The following AP5M1 variants were observed in gnomAD, a reference collection of about 807,000 sequenced individuals.
The protein encoded by AP5M1 is adaptor related protein complex 5 subunit mu 1.
A neutral mutation model predicts 52.3 loss-of-function variants in AP5M1; 44 were observed. That is an observed-to-expected ratio of 0.84 (90% CI 0.66 to 1.08). The LOEUF is 1.08. Among genes scored for constraint, AP5M1 ranks in the 50% least tolerant of loss-of-function variants. AP5M1 has a pLI of 0.00. For missense variants in AP5M1, 526 were observed against 568.4 expected (o/e 0.93, Z 0.76); for synonymous variants, 213 against 199.0 (o/e 1.07, Z -0.59).
intron 3 of AP5M1, 77 bp downstream of exon 3, chr14:57,280,499 T>C (rs988344351): frequency 3.1e-6 from 3 of 957,914 alleles, no homozygotes; most frequent in African/African-American, 3.3e-5. Context: ...TAATTCATAC[T>C]CTTGGTATGA....
intron 2 of AP5M1, chr14:57,275,336 C>G (rs1363128160): frequency 2.7e-5 from 5 of 186,036 alleles, no homozygotes; most frequent in Admixed American, 1.3e-4. Context: ...GACTTCTCAA[C>G]TGGCTGCTTA....
chr14:57,280,574 G>C lies in AP5M1; in HGVS notation c.948+152G>C, dbSNP rs1269728482. 4 of 664,402 alleles carry C rather than the reference G, an allele frequency of 6.0e-6. No individual in the cohort carries two copies. In the East Asian group the frequency reaches 1.1e-4, roughly 18 times the overall value. 41.2% of individuals were successfully genotyped at this position (664,402 alleles called of 1,614,324 possible). A position where few individuals can be genotyped will look rare whatever the true frequency, so the allele number is the denominator to read the frequency against. On this transcript the variant is annotated intron_variant, in intron 3 of 7. Transcript: ENST00000261558. ...GATTGAAGATGAAGATTTAGACCAG[G>C]CACGGTGGCTCATGCCTGTAATCCC...
intron 3 of AP5M1, among the ~76,000 whole-genome samples, chr14:57,281,092 G>T (rs1231588423): frequency 1.3e-5 from 2 of 151,998 alleles, no homozygotes; most frequent in African/African-American, 4.8e-5. Flanking sequence ...GCTATTTATT[G>T]TTTATTGAAT....
chr14:57,280,069 G>A (rs182318726), intron 2 of AP5M1, 126 bp from the exon 3 acceptor site: 2 of 736,686 alleles, frequency 2.7e-6, no homozygotes, highest in Non-Finnish European at 4.7e-6. Flanking sequence ...AACACAGAAA[G>A]CAAAGAGAAC....
chr14:57,280,910 A>C (rs901948836), intron 3 of AP5M1, among the ~76,000 whole-genome samples: 1 of 152,096 alleles, frequency 6.6e-6, no homozygotes, highest in African/African-American at 2.4e-5. Context: ...GGTGTCGGTA[A>C]CTATTTGTAA....
Position 57,269,229 on chromosome 14 carries a change from A to C in AP5M1, c.-86A>C. On this transcript the variant is annotated 5_prime_UTR_variant, in exon 1 of 8. Transcript: ENST00000261558. ...CAGGATGAGCCTCAGGGCTTCTGTT[A>C]AGAGTCTGTCTGAGAAAGCCGGTCT... 1 of 1,305,514 alleles carries C rather than the reference A, an allele frequency of 7.7e-7. No homozygotes were observed. Among genetic ancestry groups the C allele is most frequent in the South Asian group, 1.2e-5 (1 of 82,148 alleles). 80.9% of individuals were successfully genotyped at this position (1,305,514 alleles called of 1,614,324 possible).
chr14:57,285,060 AAAAC>A (rs1195101572), intron 6 of AP5M1, among the ~76,000 whole-genome samples: 11 of 152,156 alleles, frequency 7.2e-5, no homozygotes, highest in Admixed American at 2.6e-4. Flanking sequence ...AAGATTAAAA[AAAAC>A]AAATGAGGGA....
Position 57,288,891 on chromosome 14 carries a change from C to T in AP5M1, c.*7C>T, listed in dbSNP as rs770335572. On this transcript the variant is annotated 3_prime_UTR_variant, in exon 8 of 8. Transcript: ENST00000261558. ...TGGATCATTATTATTGTAATAGTCT[C>T]ATGTTTAAATGGGATTATATAATGA... 1 of 1,466,498 alleles carries T rather than the reference C, an allele frequency of 6.8e-7. No homozygotes were observed. The highest frequency in any genetic ancestry group is 9.4e-7 in the Non-Finnish European group (1 of 1,058,980). 90.8% of individuals were successfully genotyped at this position (1,466,498 alleles called of 1,614,324 possible). A position where few individuals can be genotyped will look rare whatever the true frequency, so the allele number is the denominator to read the frequency against.
At position 57,296,059 on chromosome 14, in the gene AP5M1, A is replaced by G. The variant is rs1418586036; in HGVS notation, c.*7175A>G. ...AGTTCAATCTTTATTATATGCATTG[A>G]TAAATGGGAAAGTTAGTAATTAAAA... is the stretch of plus-strand genomic sequence containing the variant. On this transcript the variant is annotated 3_prime_UTR_variant, in exon 8 of 8. Transcript: ENST00000261558. 1 of 152,026 alleles carries G rather than the reference A, an allele frequency of 6.6e-6. No individual in the cohort carries two copies. Among genetic ancestry groups the G allele is most frequent in the Non-Finnish European group, 1.5e-5 (1 of 67,942 alleles). The allele number at this position is 152,026 out of a possible 1,614,324, so 9.4% of individuals were successfully genotyped here. A position where few individuals can be genotyped will look rare whatever the true frequency, so the allele number is the denominator to read the frequency against.
At position 57,292,783 on chromosome 14, in the gene AP5M1, C is replaced by A. The variant is rs1418847990; in HGVS notation, c.*3899C>A. 6.6e-6 allele frequency: 1 copy of A among 151,722 alleles called. No homozygotes were observed. The highest frequency in any genetic ancestry group is 1.5e-5 in the Non-Finnish European group (1 of 67,790). The allele number at this position is 151,722 out of a possible 1,614,324, so 9.4% of individuals were successfully genotyped here. A position where few individuals can be genotyped will look rare whatever the true frequency, so the allele number is the denominator to read the frequency against. The stretch of plus-strand genomic sequence containing the variant: ...ACCTTTCCCCCTACCACCACCACCA[C>A]CATTAGAAAATGTCATACTGTGTGG... On this transcript the variant is annotated 3_prime_UTR_variant, in exon 8 of 8. Transcript: ENST00000261558.
Position 57,288,971 on chromosome 14 carries a change from TGTGA to T in AP5M1, c.*92_*95del. 1.3e-6 allele frequency: 1 copy of T among 749,186 alleles called. No homozygotes were observed. The highest frequency in any genetic ancestry group is 2.9e-5 in the Admixed American group (1 of 34,740). 46.4% of individuals were successfully genotyped at this position (749,186 alleles called of 1,614,324 possible). On this transcript the variant is annotated 3_prime_UTR_variant, in exon 8 of 8. Coordinates refer to ENST00000261558, the MANE Select transcript of AP5M1 (RefSeq NM_018229.4). ...ATTTTTAATGTGGATGCATATAACC[TGTGA>T]GTGAAAAATCACTGAATGATTTAAT...
rs1382433053 is a variant in AP5M1 at position 57,293,389 on chromosome 14, T to C, written c.*4505T>C. The C allele has an allele frequency of 3.3e-5, 5 of 151,784 alleles. No homozygotes were observed. Among genetic ancestry groups the C allele is most frequent in the Non-Finnish European group, 7.4e-5 (5 of 67,794 alleles). 9.4% of individuals were successfully genotyped at this position (151,784 alleles called of 1,614,324 possible). A position where few individuals can be genotyped will look rare whatever the true frequency, so the allele number is the denominator to read the frequency against. On this transcript the variant is annotated 3_prime_UTR_variant, in exon 8 of 8. Transcript: ENST00000261558. ...GGGATGTATTTAGATTATTATACTT[T>C]TTTTGGCTCAGACTTTTTGTGATCT...
At position 57,293,948 on chromosome 14, in the gene AP5M1, T is replaced by G. The variant is rs1182685325; in HGVS notation, c.*5064T>G. The G allele has an allele frequency of 6.6e-6, 1 of 151,620 alleles. No individual in the cohort carries two copies. The highest frequency in any genetic ancestry group is 2.4e-5 in the African/African-American group (1 of 41,372). The allele number at this position is 151,620 out of a possible 1,614,324, so 9.4% of individuals were successfully genotyped here. ...GCAAAGGAACTCATGAGTTCCTTTG[T>G]GATTGAAACAAAGTGATTAAAACTC... On this transcript the variant is annotated 3_prime_UTR_variant, in exon 8 of 8. Transcript: ENST00000261558.
At position 57,290,057 on chromosome 14, in the gene AP5M1, G is replaced by C. The variant is rs1885405148; in HGVS notation, c.*1173G>C. 6.6e-6 allele frequency: 1 copy of C among 151,794 alleles called. No individual in the cohort carries two copies. Among genetic ancestry groups the C allele is most frequent in the East Asian group, 1.9e-4 (1 of 5,192 alleles). The allele number at this position is 151,794 out of a possible 1,614,324, so 9.4% of individuals were successfully genotyped here. On this transcript the variant is annotated 3_prime_UTR_variant, in exon 8 of 8. Coordinates refer to ENST00000261558, the MANE Select transcript of AP5M1 (RefSeq NM_018229.4). Reference sequence around the variant, plus strand: ...AAATGAGAAAAAAAAATGCATTAAAGATTAATACTCAATTTGATTATATCT... The same window carrying C: ...AAATGAGAAAAAAAAATGCATTAAACATTAATACTCAATTTGATTATATCT...
chr14:57,279,592 A>G (rs1224144072), intron 2 of AP5M1, among the ~76,000 whole-genome samples: 1 of 152,272 alleles, frequency 6.6e-6, no homozygotes, highest in East Asian at 1.9e-4. Context: ...CTTAATACCT[A>G]CGTGATGGGA....
chr14:57,280,326 T>C lies in AP5M1; in HGVS notation c.852T>C (p.Ser284=). ...SLDSAILTSS[S]IDAMDDSAFS... ...ACTCTGCAATTCTGACTTCTAGTAG[T>C]ATTGATGCAATGGATGACTCTGCAT... The change falls in exon 3 of 8, where the codon AGT becomes AGC. Residue 284 remains serine, a synonymous_variant. Transcript: ENST00000261558. The C allele has an allele frequency of 6.2e-7, 1 of 1,613,530 alleles. No homozygotes were observed. The highest frequency in any genetic ancestry group is 1.1e-5 in the South Asian group (1 of 91,078).
chr14:57,275,051 T>G (rs1438064624), intron 2 of AP5M1, 162 bp downstream of exon 2: 1 of 710,304 alleles, frequency 1.4e-6, no homozygotes, highest in Non-Finnish European at 2.3e-6. Context: ...TTTGCATTCC[T>G]TACCAATTAT....
At chr14:57,270,980 G>A (rs1412212066) in intron 1 of AP5M1, among the ~76,000 whole-genome samples, 3 of 152,184 alleles carry the variant, frequency 2.0e-5, no homozygotes, top group Non-Finnish European at 4.4e-5. Flanking sequence ...GGCTAATACT[G>A]TAGCCACTAG....
At position 57,282,225 on chromosome 14, in the gene AP5M1, ATAGG is replaced by A. The variant is rs1885198931; in HGVS notation, c.1088+2_1088+5del. ...TGTGAAGCCCATATACCTTTTTACA[ATAGG>A]TAGGAATAAAATGCATATTGCCATA... On this transcript the variant is annotated splice_donor_variant and coding_sequence_variant, in exon 4 of 8. Coordinates refer to ENST00000261558, the MANE Select transcript of AP5M1 (RefSeq NM_018229.4). LOFTEE classifies it high-confidence loss of function. The A allele has an allele frequency of 6.6e-6, 10 of 1,521,590 alleles. No individual in the cohort carries two copies. The highest frequency in any genetic ancestry group is 2.4e-5 in the Admixed American group (1 of 41,048). The allele number at this position is 1,521,590 out of a possible 1,614,324, so 94.3% of individuals were successfully genotyped here.
Sources: gnomAD v4.1 joint callset for allele counts (sites outside exome capture counted in the v4.1 genomes callset) on GRCh38, gnomAD v4.1.1 for gene constraint, MANE v1.5 for transcripts, NCBI Gene and HGNC (gene_info 2026-07-23, HGNC 2026-07-21) for gene names.